LRP1B: variants seen among roughly 807,000 people sequenced by gnomAD.
The protein encoded by LRP1B is low-density lipoprotein receptor-related protein 1B.
Under a neutral mutation model 556.6 loss-of-function variants are expected in LRP1B, and 217 were observed. The observed-to-expected ratio is 0.39, with a 90% CI of 0.35 to 0.44. The LOEUF (loss-of-function observed/expected upper bound fraction) is 0.44, where lower values mean the gene tolerates loss of function less well. LRP1B is among the 20% of genes least tolerant of loss of function. The probability of loss-of-function intolerance (pLI) is 1.00; values close to 1 mark genes in which losing one functional copy is unlikely to be tolerated. For missense variants in LRP1B, 5,053 were observed against 5,620.8 expected, an observed-to-expected ratio of 0.90 and a Z score of 3.23; for synonymous variants, 2,047 against 1,865.8, an observed-to-expected ratio of 1.10 and a Z score of -2.50.
chr2:140,978,694 C>T (rs929856194), intron 18 of LRP1B, among the ~76,000 whole-genome samples: 2 of 152,102 alleles, frequency 1.3e-5, no homozygotes, highest in African/African-American at 4.8e-5. Flanking sequence ...TGAAATTGTG[C>T]CTACTAGACT....
intron 25 of LRP1B, among the ~76,000 whole-genome samples, chr2:140,881,644 T>A (rs549134214): frequency 2.9e-4 from 44 of 151,814 alleles, no homozygotes; most frequent in African/African-American, 9.9e-4. Flanking sequence ...TACCCTATTT[T>A]AAAAAAAAGT....
intron 2 of LRP1B, among the ~76,000 whole-genome samples, chr2:141,665,212 A>T (rs1420939497): frequency 6.6e-6 from 1 of 152,172 alleles, no homozygotes. Context: ...TTCAGAACCT[A>T]CAAGGAATTT....
At chr2:140,747,494 A>G (rs774098602) in intron 35 of LRP1B, among the ~76,000 whole-genome samples, 2 of 152,176 alleles carry the variant, frequency 1.3e-5, no homozygotes, top group African/African-American at 2.4e-5. Context: ...CAAAATGCAC[A>G]TAGCACACCA....
intron 2 of LRP1B, among the ~76,000 whole-genome samples, chr2:141,701,789 T>C (rs1019370858): frequency 6.6e-6 from 1 of 151,886 alleles, no homozygotes; most frequent in Non-Finnish European, 1.5e-5. Flanking sequence ...AAGTCAGTGT[T>C]CTGTTTGCAT....
chr2:141,852,253 A>G (rs563908972), intron 1 of LRP1B, among the ~76,000 whole-genome samples: 5 of 151,856 alleles, frequency 3.3e-5, no homozygotes, highest in African/African-American at 1.2e-4. Flanking sequence ...GTCTTTTGGT[A>G]ATGACAAAAT....
At chr2:142,102,772 T>A (rs571552924) in intron 1 of LRP1B, among the ~76,000 whole-genome samples, 1 of 151,772 alleles carries the variant, frequency 6.6e-6, no homozygotes. Flanking sequence ...TCAGGTATAA[T>A]GCAAAAACTC....
chr2:141,590,684 T>C (rs1474566996), intron 2 of LRP1B, among the ~76,000 whole-genome samples: 1 of 152,128 alleles, frequency 6.6e-6, no homozygotes, highest in Non-Finnish European at 1.5e-5. Flanking sequence ...CTCCTCCCAA[T>C]TTGGGCACTT....
Position 141,928,947 on chromosome 2 carries a change from G to T in LRP1B, c.83-118546C>A, listed in dbSNP as rs1324933907. Among the ~76,000 whole-genome samples the T allele has an allele frequency of 6.6e-5, 10 of 151,974 alleles. No homozygotes were observed. In the East Asian group the frequency reaches 1.9e-3, roughly 29 times the overall value. The stretch of plus-strand genomic sequence containing the variant: ...CCTGAAATCTCCCTGATACCACATT[G>T]TTAACCTGATAAAAGTATCTTTGTA... On this transcript the variant is annotated intron_variant, in intron 1 of 90. Coordinates refer to ENST00000389484, the MANE Select transcript of LRP1B (RefSeq NM_018557.3).
At chr2:141,244,183 G>A (rs1683986821) in intron 5 of LRP1B, among the ~76,000 whole-genome samples, 1 of 152,084 alleles carries the variant, frequency 6.6e-6, no homozygotes, top group South Asian at 2.1e-4. Flanking sequence ...CTATTTCTCA[G>A]GAACTTTTAA....
chr2:141,089,198 G>A (rs1009396291), intron 7 of LRP1B, among the ~76,000 whole-genome samples: 2 of 152,116 alleles, frequency 1.3e-5, no homozygotes, highest in African/African-American at 4.8e-5. Context: ...CACCCTTCAG[G>A]CACAGCGGGC....
intron 3 of LRP1B, among the ~76,000 whole-genome samples, chr2:141,343,132 TTAC>T (rs1559018278): frequency 1.3e-5 from 2 of 152,230 alleles, no homozygotes; most frequent in Non-Finnish European, 2.9e-5. Flanking sequence ...TGAATTTCTA[TTAC>T]TACATCTTTA....
intron 1 of LRP1B, among the ~76,000 whole-genome samples, chr2:141,848,642 T>A (rs1333972275): frequency 6.6e-6 from 1 of 151,540 alleles, no homozygotes. Context: ...TAACACCAAA[T>A]GTATATAGAT....
At chr2:140,257,032 C>T (rs1467596802) in intron 86 of LRP1B, among the ~76,000 whole-genome samples, 1 of 151,960 alleles carries the variant, frequency 6.6e-6, no homozygotes, top group Non-Finnish European at 1.5e-5. Flanking sequence ...TTTTCTGCTA[C>T]CATCCTAATA....
At chr2:140,613,514 T>C (rs1469123417) in intron 41 of LRP1B, among the ~76,000 whole-genome samples, 2 of 149,894 alleles carry the variant, frequency 1.3e-5, no homozygotes, top group Non-Finnish European at 3.0e-5. Context: ...GTAGGATTGT[T>C]TGTGACTCCA....
At chr2:141,219,474 G>A (rs900587538) in intron 6 of LRP1B, among the ~76,000 whole-genome samples, 1 of 152,200 alleles carries the variant, frequency 6.6e-6, no homozygotes, top group Non-Finnish European at 1.5e-5. Context: ...CCTGGGGGAA[G>A]GTGTGACCGT....
chr2:141,393,789 CAG>C (rs759568350), intron 3 of LRP1B, among the ~76,000 whole-genome samples: 8 of 151,986 alleles, frequency 5.3e-5, no homozygotes, highest in Non-Finnish European at 8.8e-5. Context: ...CCTCAAAAAG[CAG>C]AGTTATACAA....
chr2:140,505,157 T>G (rs941409121), intron 53 of LRP1B, among the ~76,000 whole-genome samples: 3 of 152,212 alleles, frequency 2.0e-5, no homozygotes, highest in Admixed American at 2.0e-4. Context: ...GAAACTGCTC[T>G]AAGAACTTTA....
intron 2 of LRP1B, among the ~76,000 whole-genome samples, chr2:141,713,945 G>A (rs1454858663): frequency 6.6e-6 from 1 of 152,162 alleles, no homozygotes; most frequent in East Asian, 1.9e-4. Flanking sequence ...TCTGCCAAAT[G>A]TATTCAGTAA....
At chr2:141,257,211 A>T (rs1034014925) in intron 3 of LRP1B, among the ~76,000 whole-genome samples, 1 of 152,086 alleles carries the variant, frequency 6.6e-6, no homozygotes, top group Non-Finnish European at 1.5e-5. Context: ...ACAAAGGTGA[A>T]TGTAATTAGG....
Sources: allele counts gnomAD v4.1 joint callset (sites outside exome capture counted in the v4.1 genomes callset), GRCh38; gene constraint gnomAD v4.1.1; transcripts MANE v1.5; gene names NCBI Gene and HGNC (gene_info 2026-07-23, HGNC 2026-07-21).